The following ZNF407 variants were observed in gnomAD, a reference collection of about 807,000 sequenced individuals.
ZNF407 encodes the protein zinc finger protein 407.
Under a neutral mutation model 131.2 loss-of-function variants are expected in ZNF407, and 17 were observed. The ratio of observed to expected loss-of-function variants is 0.13; its 90% confidence interval spans 0.09 to 0.19. The LOEUF (loss-of-function observed/expected upper bound fraction) is 0.19, where lower values mean the gene tolerates loss of function less well. Ranked by LOEUF, ZNF407 falls within the 10% of genes least tolerant of loss-of-function variation. The pLI, the probability that ZNF407 is intolerant of heterozygous loss-of-function variation, is 1.00. For synonymous variants in ZNF407, 1,156 were observed against 1,062.0 expected (o/e 1.09, Z -1.72); for missense variants, 2,681 against 2,830.6 (o/e 0.95, Z 1.20).
At chr18:74,624,710 G>T (rs1458155031) in intron 1 of ZNF407, among the ~76,000 whole-genome samples, 2 of 152,218 alleles carry the variant, frequency 1.3e-5, no homozygotes, top group African/African-American at 4.8e-5. Flanking sequence ...GTCTGTGGTA[G>T]AAAGCCAGTG....
Position 75,064,076 on chromosome 18 carries a change from G to A in ZNF407, c.6355G>A (p.Glu2119Lys). The A allele has an allele frequency of 6.3e-7, 1 of 1,589,808 alleles. No homozygotes were observed. The highest frequency in any genetic ancestry group is 8.6e-7 in the Non-Finnish European group (1 of 1,168,996). Residue 2119 changes from glutamate to lysine, a missense_variant, in exon 9 of 9, where the codon GAG (glutamate) becomes AAG (lysine). Glu to Lys is a moderately conservative substitution (Grantham distance 56, BLOSUM62 1). This residue lies in a region of ZNF407 where 620 missense variants were observed against 583.1 expected (regional missense o/e 1.06). Coordinates refer to ENST00000299687, the MANE Select transcript of ZNF407 (RefSeq NM_017757.3). ...EEGAVHMVAG[E>K]GAQIIMQEAQ... is the part of the protein sequence containing the mutation. Reference sequence around the variant, plus strand: ...GGGTGCCGTCCACATGGTCGCCGGGGAGGGTGCCCAGATCATCATGCAGGA... The same window carrying A: ...GGGTGCCGTCCACATGGTCGCCGGGAAGGGTGCCCAGATCATCATGCAGGA...
At chr18:74,666,381 TAG>T (rs1283247531) in intron 3 of ZNF407, among the ~76,000 whole-genome samples, 1 of 152,082 alleles carries the variant, frequency 6.6e-6, no homozygotes, top group African/African-American at 2.4e-5. Context: ...TGTGTTCAGG[TAG>T]AGAGGAAAAG....
chr18:74,645,192 T>C (rs374187139), intron 3 of ZNF407, among the ~76,000 whole-genome samples: 2 of 152,164 alleles, frequency 1.3e-5, no homozygotes, highest in East Asian at 3.9e-4. Flanking sequence ...GGTCTAAAAG[T>C]ATAAAGATTA....
intron 1 of ZNF407, among the ~76,000 whole-genome samples, chr18:74,605,438 T>A (rs1982762958): frequency 6.6e-6 from 1 of 152,146 alleles, no homozygotes; most frequent in South Asian, 2.1e-4. Context: ...ATCCAGGAGC[T>A]GACAAAGCCA....
chr18:74,636,814 G>A (rs541837972), intron 2 of ZNF407, among the ~76,000 whole-genome samples: 10 of 152,308 alleles, frequency 6.6e-5, no homozygotes, highest in African/African-American at 2.2e-4. Context: ...CCTATGCACT[G>A]CAGCCATTTT....
intron 4 of ZNF407, among the ~76,000 whole-genome samples, chr18:74,851,192 A>G (rs181931071): frequency 6.6e-6 from 1 of 152,362 alleles, no homozygotes; most frequent in East Asian, 1.9e-4. Context: ...TTTCTTAAGT[A>G]TAAATTGTAC....
At chr18:74,881,197 C>A in intron 6 of ZNF407, 78 bp downstream of exon 6, 3 of 1,283,498 alleles carry the variant, frequency 2.3e-6, no homozygotes, top group Non-Finnish European at 3.2e-6. Context: ...TTGATGTCAT[C>A]ATTTACTTTC....
intron 8 of ZNF407, among the ~76,000 whole-genome samples, chr18:75,023,106 A>G (rs1973130525): frequency 6.6e-6 from 1 of 152,096 alleles, no homozygotes. Context: ...ACATGTTCTC[A>G]CTTACAAGTG....
At chr18:74,847,925 T>C (rs374217010) in intron 4 of ZNF407, among the ~76,000 whole-genome samples, 5 of 152,174 alleles carry the variant, frequency 3.3e-5, no homozygotes, top group African/African-American at 1.2e-4. Context: ...TCATCCAAGA[T>C]ACACCTTTTT....
At chr18:75,012,522 G>A (rs913771126) in intron 8 of ZNF407, among the ~76,000 whole-genome samples, 6 of 151,890 alleles carry the variant, frequency 4.0e-5, no homozygotes, top group African/African-American at 1.2e-4. Flanking sequence ...CTTTGCCAAC[G>A]ACTCATAGAC....
intron 8 of ZNF407, among the ~76,000 whole-genome samples, chr18:74,941,533 A>G (rs542114485): frequency 6.6e-6 from 1 of 152,320 alleles, no homozygotes; most frequent in South Asian, 2.1e-4. Flanking sequence ...ACAACACATA[A>G]TGTACTATAA....
intron 3 of ZNF407, among the ~76,000 whole-genome samples, chr18:74,763,196 C>CTTTTTTT (rs71170316): frequency 1.7e-4 from 3 of 17,768 alleles, no homozygotes; most frequent in Non-Finnish European, 2.4e-4. Flanking sequence ...TTCTTAGGAC[C>CTTTTTTT]TTTTTTTTTT....
chr18:74,732,682 C>G (rs1471348731), intron 3 of ZNF407, among the ~76,000 whole-genome samples: 8 of 152,108 alleles, frequency 5.3e-5, no homozygotes, highest in African/African-American at 1.9e-4. Flanking sequence ...TTTATTGATA[C>G]CTAACATTTT....
chr18:74,755,612 C>T (rs9964833), intron 3 of ZNF407, among the ~76,000 whole-genome samples: 123,380 of 127,010 alleles, frequency 0.97, 60,024 homozygotes, highest in East Asian at 1. Context: ...TTTCTGAGAC[C>T]GAGTCTAACT....
chr18:74,669,289 C>A (rs182864214), intron 3 of ZNF407, among the ~76,000 whole-genome samples: 3 of 152,212 alleles, frequency 2.0e-5, no homozygotes, highest in African/African-American at 4.8e-5. Flanking sequence ...TGACCAGGGG[C>A]CTTCCCATGG....
chr18:74,785,772 C>G (rs3850132), intron 4 of ZNF407, among the ~76,000 whole-genome samples: 4 of 146,044 alleles, frequency 2.7e-5, no homozygotes, highest in African/African-American at 8.2e-5. Flanking sequence ...ATGTCACTCA[C>G]ATGGCACACA....
chr18:74,943,721 C>T lies in ZNF407; in HGVS notation c.5428+23029C>T, dbSNP rs138740578. 3.4e-4 allele frequency among the ~76,000 whole-genome samples: 51 copies of T among 152,220 alleles called. No individual in the cohort carries two copies. The Middle Eastern group carries it at 0.01, about 30-fold the overall frequency. ...AACTAGAATGAAGCCCTTAGTGTGT[C>T]GGTTGTCGTAGTTCCAAACCTACAG... is the stretch of plus-strand genomic sequence containing the variant. On this transcript the variant is annotated intron_variant, in intron 8 of 8. Coordinates refer to ENST00000299687, the MANE Select transcript of ZNF407 (RefSeq NM_017757.3).
chr18:74,948,342 T>A (rs1210684321), intron 8 of ZNF407, among the ~76,000 whole-genome samples: 2 of 152,236 alleles, frequency 1.3e-5, no homozygotes, highest in Non-Finnish European at 2.9e-5. Flanking sequence ...GACATTCACC[T>A]GAGCTTAGTC....
At chr18:74,927,877 A>T (rs539224153) in intron 8 of ZNF407, among the ~76,000 whole-genome samples, 8 of 152,352 alleles carry the variant, frequency 5.3e-5, no homozygotes, top group Admixed American at 1.3e-4. Flanking sequence ...CAGTCTGAGC[A>T]TATACTAAAA....
Sources: gnomAD v4.1 joint callset for allele counts (sites outside exome capture counted in the v4.1 genomes callset) on GRCh38, gnomAD v4.1.1 for gene constraint, gnomAD v4.1.1 regional missense constraint, MANE v1.5 for transcripts, NCBI Gene and HGNC (gene_info 2026-07-23, HGNC 2026-07-21) for gene names.